Variants in BMP5 observed in about 807,000 individuals in gnomAD.
The protein encoded by BMP5 is bone morphogenetic protein 5.
BMP5 carries 23 observed loss-of-function variants against 46.6 expected under a neutral mutation model. The ratio of observed to expected loss-of-function variants is 0.49; its 90% CI spans 0.35 to 0.70. The LOEUF is 0.70. Ranked by LOEUF, BMP5 falls within the 30% of genes least tolerant of loss-of-function variation. The probability of loss-of-function intolerance (pLI) is 0.00; values close to 1 mark genes in which losing one functional copy is unlikely to be tolerated. For synonymous variants in BMP5, 204 were observed against 191.9 expected (o/e 1.06, Z -0.52); for missense variants, 545 against 565.6 (o/e 0.96, Z 0.37).
chr6:55,848,019 AAAC>A (rs1157241798), intron 1 of BMP5, among the ~76,000 whole-genome samples: 1 of 151,982 alleles, frequency 6.6e-6, no homozygotes, highest in Non-Finnish European at 1.5e-5. Context: ...ATTATTTTAA[AAAC>A]AACTTTTTAA....
intron 1 of BMP5, among the ~76,000 whole-genome samples, chr6:55,863,812 G>A (rs887856521): frequency 1.3e-5 from 2 of 152,098 alleles, no homozygotes; most frequent in Admixed American, 6.6e-5. Flanking sequence ...TTACCATGGT[G>A]TTACAATTTC....
At chr6:55,770,540 C>G (rs1464441091) in intron 4 of BMP5, among the ~76,000 whole-genome samples, 1 of 151,888 alleles carries the variant, frequency 6.6e-6, no homozygotes, top group East Asian at 1.9e-4. Context: ...AACGATTTCG[C>G]TTTCTTATCA....
At chr6:55,842,956 A>T (rs1470790752) in intron 1 of BMP5, among the ~76,000 whole-genome samples, 1 of 152,142 alleles carries the variant, frequency 6.6e-6, no homozygotes, top group Non-Finnish European at 1.5e-5. Flanking sequence ...TAATTGCTTC[A>T]TCTTTGCTGT....
At chr6:55,762,467 A>G (rs1012890379) in intron 4 of BMP5, among the ~76,000 whole-genome samples, 4 of 152,090 alleles carry the variant, frequency 2.6e-5, no homozygotes, top group Non-Finnish European at 5.9e-5. Context: ...CTTCTAGGTT[A>G]TTTATTCCTA....
intron 3 of BMP5, among the ~76,000 whole-genome samples, chr6:55,792,895 A>G (rs1293999075): frequency 6.6e-6 from 1 of 152,188 alleles, no homozygotes; most frequent in Admixed American, 6.5e-5. Flanking sequence ...GAAGCAGTGA[A>G]CCTTAAATAA....
At chr6:55,831,832 G>A (rs1183983768) in intron 1 of BMP5, among the ~76,000 whole-genome samples, 1 of 152,076 alleles carries the variant, frequency 6.6e-6, no homozygotes, top group Non-Finnish European at 1.5e-5. Flanking sequence ...GAACACTGGA[G>A]GCGAACAGAA....
At chr6:55,813,989 T>C (rs1776197863) in intron 2 of BMP5, among the ~76,000 whole-genome samples, 1 of 152,146 alleles carries the variant, frequency 6.6e-6, no homozygotes, top group Non-Finnish European at 1.5e-5. Context: ...AGCTCTCTCA[T>C]CCCACACTAC....
chr6:55,810,304 G>C (rs1360004157), intron 2 of BMP5, among the ~76,000 whole-genome samples: 1 of 152,110 alleles, frequency 6.6e-6, no homozygotes, highest in Non-Finnish European at 1.5e-5. Context: ...TGGTAAAATA[G>C]TAATATTAGA....
At chr6:55,772,186 A>T (rs539817529) in intron 4 of BMP5, among the ~76,000 whole-genome samples, 1 of 152,048 alleles carries the variant, frequency 6.6e-6, no homozygotes, top group African/African-American at 2.4e-5. Context: ...ATAATTTTGT[A>T]CTCTAAATGG....
At chr6:55,863,128 T>G (rs539929304) in intron 1 of BMP5, among the ~76,000 whole-genome samples, 7 of 152,170 alleles carry the variant, frequency 4.6e-5, no homozygotes, top group Non-Finnish European at 7.3e-5. Context: ...ATTTGTTAAA[T>G]GACTGAATGA....
chr6:55,820,639 A>C (rs1490656160), intron 1 of BMP5, among the ~76,000 whole-genome samples: 1 of 152,078 alleles, frequency 6.6e-6, no homozygotes, highest in Non-Finnish European at 1.5e-5. Flanking sequence ...ACTGGTCTCG[A>C]AATCCTGGGC....
intron 1 of BMP5, among the ~76,000 whole-genome samples, chr6:55,852,391 G>T (rs1286278471): frequency 6.6e-6 from 1 of 151,964 alleles, no homozygotes; most frequent in African/African-American, 2.4e-5. Context: ...TTCTCATTCA[G>T]AAAATTGTGT....
intron 2 of BMP5, among the ~76,000 whole-genome samples, chr6:55,805,809 C>G (rs1775974075): frequency 6.6e-6 from 1 of 152,148 alleles, no homozygotes; most frequent in African/African-American, 2.4e-5. Flanking sequence ...TTGCATTTCT[C>G]TAATGATTAG....
chr6:55,780,324 A>G (rs1362015152), intron 3 of BMP5, among the ~76,000 whole-genome samples: 1 of 151,398 alleles, frequency 6.6e-6, no homozygotes, highest in Non-Finnish European at 1.5e-5. Context: ...TTCTGTGGAT[A>G]AGAAACGTGC....
At position 55,874,773 on chromosome 6, in the gene BMP5, G is replaced by T. The variant is rs148504114; in HGVS notation, c.93C>A (p.Asp31Glu). 6.2e-7 allele frequency: 1 copy of T among 1,613,260 alleles called. No individual in the cohort carries two copies. The highest frequency in any genetic ancestry group is 8.5e-7 in the Non-Finnish European group (1 of 1,179,642). ...LVGYAKGGLG[D>E]NHVHSSFIYR... Reference sequence around the variant, plus strand: ...AAATAAAACTGGAGTGAACATGATTGTCTCCCAAACCTCCTTTTGCATAAC... The same window carrying T: ...AAATAAAACTGGAGTGAACATGATTTTCTCCCAAACCTCCTTTTGCATAAC... The change falls in exon 1 of 7, where the codon GAC (aspartate) becomes GAA (glutamate). Residue 31 changes from aspartate (D) to glutamate (E), a missense_variant. Coordinates refer to ENST00000370830, the MANE Select transcript of BMP5 (RefSeq NM_021073.4).
At chr6:55,816,489 T>G (rs1776272827) in intron 2 of BMP5, among the ~76,000 whole-genome samples, 1 of 152,172 alleles carries the variant, frequency 6.6e-6, no homozygotes, top group Non-Finnish European at 1.5e-5. Context: ...GTATTCACTA[T>G]ATATGCCTGG....
chr6:55,781,128 A>G (rs1370439235), intron 3 of BMP5, among the ~76,000 whole-genome samples: 1 of 152,098 alleles, frequency 6.6e-6, no homozygotes, highest in African/African-American at 2.4e-5. Context: ...CTGAGGTCCT[A>G]TGAACTTTAC....
At chr6:55,759,368 G>T (rs1774709933) in intron 5 of BMP5, among the ~76,000 whole-genome samples, 5 of 151,532 alleles carry the variant, frequency 3.3e-5, no homozygotes, top group African/African-American at 1.2e-4. Flanking sequence ...ACAAGAAATT[G>T]TCCTCTCTAA....
chr6:55,758,246 T>C (rs1386146198), intron 6 of BMP5, among the ~76,000 whole-genome samples: 3 of 152,022 alleles, frequency 2.0e-5, no homozygotes, highest in Non-Finnish European at 4.4e-5. Context: ...TTATGTCACA[T>C]AGTCTGGTAT....
Sources: allele counts gnomAD v4.1 joint callset (sites outside exome capture counted in the v4.1 genomes callset), GRCh38; gene constraint gnomAD v4.1.1; transcripts MANE v1.5; gene names NCBI Gene and HGNC (gene_info 2026-07-23, HGNC 2026-07-21).